The following MMP19 variants were observed in gnomAD, a reference collection of about 807,000 sequenced individuals.
MMP19 encodes the protein matrix metalloproteinase-19.
MMP19 carries 47 observed loss-of-function variants against 46.6 expected under a neutral mutation model. That is an observed-to-expected ratio of 1.01 (90% CI 0.80 to 1.29). MMP19 has a LOEUF of 1.29. Among genes scored for constraint, MMP19 ranks in the 50% most tolerant of loss-of-function variants. MMP19 has a pLI of 0.00. For synonymous variants in MMP19, 222 were observed against 248.5 expected (o/e 0.89, Z 1.00); for missense variants, 589 against 643.5 (o/e 0.92, Z 0.92).
intron 6 of MMP19, 154 bp downstream of exon 6, chr12:55,838,452 C>T: frequency 1.3e-6 from 2 of 1,578,710 alleles, no homozygotes; most frequent in Non-Finnish European, 1.7e-6. Flanking sequence ...ACTCTCCCTC[C>T]CCATGTCACA....
rs753348919 is a variant in MMP19, at chr12:55,840,705, C to T, written c.482G>A (p.Arg161His). The change falls in exon 4 of 9, where the codon CGC (arginine) becomes CAC (histidine). Residue 161 changes from arginine (R) to histidine (H), a missense_variant. Arg to His is a conservative substitution (Grantham distance 29). Coordinates refer to ENST00000322569, the MANE Select transcript of MMP19 (RefSeq NM_002429.6). ...AADIRLSFHG[R>H]QSSYCSNTFD... Reference sequence around the variant, plus strand: ...AGTATTGGAACAGTACGAGCTTTGGCGGCCATGGAAGGAGAGGCGGATGTC... The same window carrying T: ...AGTATTGGAACAGTACGAGCTTTGGTGGCCATGGAAGGAGAGGCGGATGTC... 18 of 1,613,826 alleles carry T rather than the reference C, an allele frequency of 1.1e-5. No homozygotes were observed. In the Admixed American group the frequency reaches 2.5e-4, roughly 22 times the overall value.
Position 55,838,675 on chromosome 12 carries a change from G to T in MMP19, c.826C>A (p.Pro276Thr). Residue 276 changes from proline (P) to threonine (T), a missense_variant, in exon 6 of 9, where the codon CCC (proline) becomes ACC (threonine). Coordinates refer to ENST00000322569, the MANE Select transcript of MMP19 (RefSeq NM_002429.6). ...GGACTGGGTTCTGTGGGCACTGGGG[G>T]CACAGTGGGCAGCTCTGTCTCTTCT... ...EEEETELPTV[P>T]PVPTEPSPMP... The T allele has an allele frequency of 6.2e-7, 1 of 1,613,384 alleles. No individual in the cohort carries two copies. Among genetic ancestry groups the T allele is most frequent in the South Asian group, 1.1e-5 (1 of 91,028 alleles).
chr12:55,839,672 G>A lies in MMP19; in HGVS notation c.590C>T (p.Thr197Ile). ...SVHFDEDEFW[T>I]EGTYRGVNLR... The stretch of plus-strand genomic sequence containing the variant: ...GTTCACCCCACGGTAGGTCCCCTCA[G>A]TCCAGAACTCGTCTTCGTCGAAGTG... The change falls in exon 5 of 9, where the codon ACT becomes ATT. Residue 197 changes from threonine (T) to isoleucine (I), a missense_variant. Thr to Ile is a moderately conservative substitution (Grantham distance 89, BLOSUM62 -1). Coordinates refer to ENST00000322569, the MANE Select transcript of MMP19 (RefSeq NM_002429.6). The A allele has an allele frequency of 1.2e-6, 2 of 1,614,250 alleles. No homozygotes were observed. The highest frequency in any genetic ancestry group is 1.7e-6 in the Non-Finnish European group (2 of 1,180,038).
intron 2 of MMP19, 93 bp from the exon 3 acceptor site, chr12:55,841,329 T>G (rs1258948313): frequency 2.8e-6 from 4 of 1,424,834 alleles, no homozygotes; most frequent in Non-Finnish European, 3.9e-6. Context: ...CCCAAGTTCA[T>G]GGCCAAGAAT....
chr12:55,838,652 A>G lies in MMP19; in HGVS notation c.849T>C (p.Ser283=), dbSNP rs1378082172. ...CACTACTGCAAGGGTCTGGCATGGGACTGGGTTCTGTGGGCACTGGGGGCA... is the reference window on the plus strand; with the variant it reads ...CACTACTGCAAGGGTCTGGCATGGGGCTGGGTTCTGTGGGCACTGGGGGCA... The part of the protein sequence containing the change: ...PTVPPVPTEP[S]PMPDPCSSEL... The change falls in exon 6 of 9, where the codon AGT becomes AGC. Residue 283 remains serine, a synonymous_variant. Transcript: ENST00000322569. 6.2e-7 allele frequency: 1 copy of G among 1,613,892 alleles called. No homozygotes were observed. Among genetic ancestry groups the G allele is most frequent in the Non-Finnish European group, 8.5e-7 (1 of 1,179,956 alleles).
Position 55,842,775 on chromosome 12 carries a change from C to A in MMP19, c.56G>T (p.Arg19Leu), listed in dbSNP as rs148657591. ...GFLLPMTVSG[R>L]VLGLAEVAPV... ...CGCCACCTCTGCAAGCCCCAGGACCCGGCCTGAGACTGTCATGGGGAGTAG... is the reference window on the plus strand; with the variant it reads ...CGCCACCTCTGCAAGCCCCAGGACCAGGCCTGAGACTGTCATGGGGAGTAG... Residue 19 changes from arginine to leucine, a missense_variant, in exon 1 of 9, where the codon CGG (arginine) becomes CTG (leucine). Arg to Leu is a moderately radical substitution (Grantham distance 102). Transcript: ENST00000322569. The A allele has an allele frequency of 1.9e-6, 3 of 1,607,388 alleles. No individual in the cohort carries two copies. Among genetic ancestry groups the A allele is most frequent in the South Asian group, 2.2e-5 (2 of 89,830 alleles).
chr12:55,841,287 CTG>C (rs1881678383), intron 2 of MMP19, 51 bp from the exon 3 acceptor site: 2 of 1,585,334 alleles, frequency 1.3e-6, no homozygotes, highest in African/African-American at 2.7e-5. Flanking sequence ...TCTGAAATGA[CTG>C]GGAGATGATT....
At chr12:55,839,379 G>A (rs1881503642) in intron 5 of MMP19, 117 bp downstream of exon 5, 18 of 1,301,894 alleles carry the variant, frequency 1.4e-5, no homozygotes, top group Non-Finnish European at 1.9e-5. Context: ...TGAGTAACTG[G>A]GCTGGAGGAG....
intron 2 of MMP19, 68 bp downstream of exon 2, chr12:55,842,285 G>A: frequency 2.3e-6 from 3 of 1,301,284 alleles, no homozygotes; most frequent in African/African-American, 1.4e-5. Flanking sequence ...CCTGGGGAGA[G>A]GAAGGGATGA....
In MMP19 at chr12:55,835,687, A is replaced by C. The variant is rs941767629; in HGVS notation, c.*1349T>G. On this transcript the variant is annotated 3_prime_UTR_variant, in exon 9 of 9. Transcript: ENST00000322569. ...GGCATTTGATACCTTTTTGATGGGA[A>C]GAAGGGCTCTGAGGAGCTCCAAGAT... 1 of 152,190 alleles carries C rather than the reference A, an allele frequency of 6.6e-6. No individual in the cohort carries two copies. The highest frequency in any genetic ancestry group is 2.4e-5 in the African/African-American group (1 of 41,442). The allele number at this position is 152,190 out of a possible 1,614,324, so 9.4% of individuals were successfully genotyped here. A position where few individuals can be genotyped will look rare whatever the true frequency, so the allele number is the denominator to read the frequency against.
rs1881502057 is a variant in MMP19, at chr12:55,839,355, A to G, written c.766+141T>C. ...AAGAGTCTGAGAAAAACTGCTCCTG[A>G]AAATGAAGAAGCCTGAGTAACTGGG... is the stretch of plus-strand genomic sequence containing the variant. On this transcript the variant is annotated intron_variant, in intron 5 of 8. Transcript: ENST00000322569. 3.7e-6 allele frequency: 4 copies of G among 1,075,202 alleles called. No homozygotes were observed. In the South Asian group the frequency reaches 7.7e-5, roughly 21 times the overall value. The allele number at this position is 1,075,202 out of a possible 1,614,324, so 66.6% of individuals were successfully genotyped here. A position where few individuals can be genotyped will look rare whatever the true frequency, so the allele number is the denominator to read the frequency against.
In MMP19 at chr12:55,842,836, C is replaced by T. The variant is rs748558068; in HGVS notation, c.-6G>A. ...CACAGCTGCTGGCAGTTCATGGTCC[C>T]ACCAGACGAGAGCTCCAGAGGCTGT... On this transcript the variant is annotated 5_prime_UTR_variant, in exon 1 of 9. Transcript: ENST00000322569. The T allele has an allele frequency of 6.3e-7, 1 of 1,588,604 alleles. No individual in the cohort carries two copies. The highest frequency in any genetic ancestry group is 8.6e-7 in the Non-Finnish European group (1 of 1,168,276).
intron 5 of MMP19, among the ~76,000 whole-genome samples, chr12:55,839,162 A>C (rs990647932): frequency 6.6e-6 from 1 of 151,414 alleles, no homozygotes; most frequent in African/African-American, 2.4e-5. Flanking sequence ...GAATGGCTTG[A>C]ACCCGGGAGG....
chr12:55,837,611 G>C lies in MMP19; in HGVS notation c.1132C>G (p.Pro378Ala). ...CAATAGAGAGCTGCATCCAGGTTAG[G>C]TTCTACCCTATTCAGCTTCTTGGGG... ...GFPKKLNRVE[P>A]NLDAALYWPL... Residue 378 changes from proline to alanine, a missense_variant, in exon 8 of 9, where the codon CCT becomes GCT. Coordinates refer to ENST00000322569, the MANE Select transcript of MMP19 (RefSeq NM_002429.6). 1 of 1,614,174 alleles carries C rather than the reference G, an allele frequency of 6.2e-7. No individual in the cohort carries two copies. The highest frequency in any genetic ancestry group is 1.3e-5 in the African/African-American group (1 of 75,040).
intron 6 of MMP19, chr12:55,838,381 G>T: frequency 1.1e-6 from 1 of 886,000 alleles, no homozygotes; most frequent in African/African-American, 1.6e-5. Flanking sequence ...TGTTCTAGTG[G>T]CCCTTAGAGC....
At position 55,838,900 on chromosome 12, in the gene MMP19, G is replaced by A. The variant is rs185048424; in HGVS notation, c.767-166C>T. On this transcript the variant is annotated intron_variant, in intron 5 of 8. Transcript: ENST00000322569. ...TTATGTTGATATCAGCGGGAGACAC[G>A]TTCTAGGTTTGAGAGACACCAGAAA... is the stretch of plus-strand genomic sequence containing the variant. Among the ~76,000 whole-genome samples, 477 of 152,260 alleles carry A rather than the reference G, an allele frequency of 3.1e-3. 2 individuals are homozygous for A. The highest frequency in any genetic ancestry group is 6.8e-3 in the Middle Eastern group (2 of 294).
intron 2 of MMP19, 103 bp downstream of exon 2, chr12:55,842,250 T>G: frequency 1.2e-5 from 11 of 881,466 alleles, no homozygotes; most frequent in East Asian, 2.4e-5. Flanking sequence ...ATCCCTGGCA[T>G]GGTTTAGGGT....
rs1318552276 is a variant in MMP19, at chr12:55,837,156, C to G, written c.1407G>C (p.Trp469Cys). 3 of 1,614,152 alleles carry G rather than the reference C, an allele frequency of 1.9e-6. No individual in the cohort carries two copies. The highest frequency in any genetic ancestry group is 1.7e-6 in the Non-Finnish European group (2 of 1,180,030). The change falls in exon 9 of 9, where the codon TGG becomes TGC. Residue 469 changes from tryptophan (W) to cysteine (C), a missense_variant. Transcript: ENST00000322569. Reference sequence around the variant, plus strand: ...CTATAGTCCGGGGACGACAGTGCATCCAGTTGTGGGAAATATTTCTGGGAT... The same window carrying G: ...CTATAGTCCGGGGACGACAGTGCATGCAGTTGTGGGAAATATTTCTGGGAT... ...KGYPRNISHNWMHCRPRTIDT... is the reference protein window; with the variant it reads ...KGYPRNISHNCMHCRPRTIDT...
rs745684892 is a variant in MMP19 at position 55,841,110 on chromosome 12, C to A, written c.300G>T (p.Leu100Phe). ...PFNQKTLKYL[L>F]LGRWRKKHLT... The stretch of plus-strand genomic sequence containing the variant: ...TTTTCCAGGCTCTGTTCTCACCCAG[C>A]AACAGGTATTTAAGGGTCTTCTGGT... Residue 100 changes from leucine to phenylalanine, a missense_variant, in exon 3 of 9, where the codon TTG (leucine) becomes TTT (phenylalanine). Leu to Phe is a conservative substitution (Grantham distance 22). Coordinates refer to ENST00000322569, the MANE Select transcript of MMP19 (RefSeq NM_002429.6). 2 of 1,611,684 alleles carry A rather than the reference C, an allele frequency of 1.2e-6. No homozygotes were observed. The highest frequency in any genetic ancestry group is 1.7e-5 in the Admixed American group (1 of 59,982).
Sources: gnomAD v4.1 joint callset for allele counts (sites outside exome capture counted in the v4.1 genomes callset) on GRCh38, gnomAD v4.1.1 for gene constraint, MANE v1.5 for transcripts, NCBI Gene and HGNC (gene_info 2026-07-23, HGNC 2026-07-21) for gene names.